Variants in NR1H3 observed in about 807,000 individuals in gnomAD.
The protein encoded by NR1H3 is oxysterols receptor LXR-alpha.
Under a neutral mutation model 48.1 loss-of-function variants are expected in NR1H3, and 19 were observed. The ratio of observed to expected loss-of-function variants is 0.40; its 90% confidence interval spans 0.28 to 0.58. NR1H3 has a LOEUF of 0.58. NR1H3 is among the 20% of genes least tolerant of loss of function. NR1H3 has a pLI of 0.50. For missense variants in NR1H3, 486 were observed against 595.9 expected (o/e 0.82, Z 1.92); for synonymous variants, 232 against 227.3 (o/e 1.02, Z -0.19).
At chr11:47,259,346 TCTTC>T in intron 2 of NR1H3, 87 bp downstream of exon 2, 1 of 1,606,094 alleles carries the variant, frequency 6.2e-7, no homozygotes, top group Non-Finnish European at 8.5e-7. Flanking sequence ...TTACCTGCCT[TCTTC>T]CTTCCTCCAG....
intron 8 of NR1H3, 33 bp from the exon 9 acceptor site, chr11:47,268,228 G>A (rs753399391): frequency 6.2e-7 from 1 of 1,602,956 alleles, no homozygotes; most frequent in Admixed American, 1.7e-5. Context: ...ACCCTGGCCA[G>A]ACCTGCTCCT....
At chr11:47,248,390 G>A (rs1477884328), upstream of NR1H3, 8 of 1,490,082 alleles carry the variant, frequency 5.4e-6, no homozygotes, top group Non-Finnish European at 7.2e-6. Context: ...AGCAACGTAT[G>A]TGGTGGGGAC....
Position 47,268,751 on chromosome 11 carries a change from C to T in NR1H3, c.*55C>T. On this transcript the variant is annotated 3_prime_UTR_variant, in exon 10 of 10. Transcript: ENST00000441012. ...TGGCCGGATGGCTGAGGCCTGGTGG[C>T]TGCCTCCTAGAAGTGGAACAGACTG... The T allele has an allele frequency of 1.3e-6, 2 of 1,589,928 alleles. No homozygotes were observed. Among genetic ancestry groups the T allele is most frequent in the African/African-American group, 1.3e-5 (1 of 74,656 alleles).
intron 7 of NR1H3, among the ~76,000 whole-genome samples, chr11:47,262,897 G>A (rs944319383): frequency 8.5e-5 from 13 of 152,144 alleles, no homozygotes; most frequent in Admixed American, 2.6e-4. Context: ...AGGCTCCCTT[G>A]TTTTTTGAAG....
intron 1 of NR1H3, among the ~76,000 whole-genome samples, chr11:47,251,393 C>T (rs1954641679): frequency 6.6e-6 from 1 of 151,984 alleles, no homozygotes; most frequent in Non-Finnish European, 1.5e-5. Context: ...GGGTGGATCA[C>T]CTGAGGTCAG....
At chr11:47,265,563 C>A (rs1329929964) in intron 7 of NR1H3, among the ~76,000 whole-genome samples, 1 of 152,178 alleles carries the variant, frequency 6.6e-6, no homozygotes, top group Non-Finnish European at 1.5e-5. Context: ...AGCAGGAAGA[C>A]TGTTTCCAAG....
intron 8 of NR1H3, 85 bp from the exon 9 acceptor site, chr11:47,268,176 C>A: frequency 7.6e-7 from 1 of 1,319,436 alleles, no homozygotes; most frequent in Non-Finnish European, 1.1e-6. Flanking sequence ...TTGGCTGGAG[C>A]ATGTCTCTAT....
intron 6 of NR1H3, 74 bp downstream of exon 6, chr11:47,261,800 AGCTGGGAGAGCCAAATCT>A (rs1174289988): frequency 1.2e-6 from 2 of 1,607,572 alleles, no homozygotes; most frequent in Admixed American, 1.7e-5. Flanking sequence ...CCAGACATCG[AGCTGGGAGAGCCAAATCT>A]GCTGGGAAGC....
At chr11:47,256,251 G>T (rs563826149), upstream of NR1H3, among the ~76,000 whole-genome samples, 1 of 151,908 alleles carries the variant, frequency 6.6e-6, no homozygotes, top group East Asian at 1.9e-4. Flanking sequence ...ATGTTGGCCA[G>T]GCTGGTCTCG....
At chr11:47,262,897 G>C (rs944319383) in intron 7 of NR1H3, among the ~76,000 whole-genome samples, 1 of 152,144 alleles carries the variant, frequency 6.6e-6, no homozygotes, top group Non-Finnish European at 1.5e-5. Context: ...AGGCTCCCTT[G>C]TTTTTTGAAG....
intron 1 of NR1H3, among the ~76,000 whole-genome samples, chr11:47,249,786 T>G (rs1273757954): frequency 6.6e-6 from 1 of 152,070 alleles, no homozygotes; most frequent in Non-Finnish European, 1.5e-5. Context: ...CCTCAGATCT[T>G]TGGGAAACAA....
chr11:47,249,224 C>T (rs3758668), intron 1 of NR1H3, among the ~76,000 whole-genome samples: 16,650 of 152,086 alleles, frequency 0.11, 1,061 homozygotes, highest in South Asian at 0.23. Context: ...CTTCTCTCCA[C>T]GCCCCTGCCT....
chr11:47,266,480 T>A (rs991543922), intron 7 of NR1H3, among the ~76,000 whole-genome samples: 1 of 151,192 alleles, frequency 6.6e-6, no homozygotes, highest in African/African-American at 2.4e-5. Flanking sequence ...GGACTACAGG[T>A]GCGCCACCAT....
At chr11:47,248,517 GCCAGGGCT>G, upstream of NR1H3, 1 of 1,551,226 alleles carries the variant, frequency 6.4e-7, no homozygotes, top group Non-Finnish European at 8.7e-7. Flanking sequence ...ACTCCCATAA[GCCAGGGCT>G]CCAGGTCAAT....
rs1480682359 is a variant in NR1H3 at position 47,259,022 on chromosome 11, ATAG to A, written c.-37-155_-37-153del. 1.9e-5 allele frequency: 25 copies of A among 1,311,254 alleles called. No homozygotes were observed. The African/African-American group carries it at 3.4e-4, about 18-fold the overall frequency. 81.2% of individuals were successfully genotyped at this position (1,311,254 alleles called of 1,614,324 possible). A position where few individuals can be genotyped will look rare whatever the true frequency, so the allele number is the denominator to read the frequency against. ...GGAGAACCTGTCTCTAAAAAACATA[ATAG>A]TAATATAATAAAGCCTTAGTACAGG... On this transcript the variant is annotated intron_variant, in intron 1 of 9. Coordinates refer to ENST00000441012, the MANE Select transcript of NR1H3 (RefSeq NM_005693.4).
upstream of NR1H3, among the ~76,000 whole-genome samples, chr11:47,254,616 A>T (rs1335552426): frequency 6.6e-6 from 1 of 152,104 alleles, no homozygotes; most frequent in Admixed American, 6.6e-5. Flanking sequence ...GGGGAACAAA[A>T]GCAAAAGCTG....
At chr11:47,268,104 G>A (rs1957066520) in intron 8 of NR1H3, 78 bp downstream of exon 8, 2 of 1,270,402 alleles carry the variant, frequency 1.6e-6, no homozygotes, top group Non-Finnish European at 2.3e-6. Flanking sequence ...ATCGGTGGGG[G>A]GAGGGGGGTG....
Position 47,268,650 on chromosome 11 carries a change from A to G in NR1H3, c.1298A>G (p.Lys433Arg), listed in dbSNP as rs779306214. ...EQVFALRLQD[K>R]KLPPLLSEIW... is the part of the protein sequence containing the mutation. ...GTGTTTGCACTGCGTCTGCAGGACAAAAAGCTCCCACCGCTGCTCTCTGAG... is the reference window on the plus strand; with the variant it reads ...GTGTTTGCACTGCGTCTGCAGGACAGAAAGCTCCCACCGCTGCTCTCTGAG... The change falls in exon 10 of 10, where the codon AAA becomes AGA. Residue 433 changes from lysine to arginine, a missense_variant. Lys to Arg is a conservative substitution (Grantham distance 26, BLOSUM62 2). Coordinates refer to ENST00000441012, the MANE Select transcript of NR1H3 (RefSeq NM_005693.4). 3.1e-6 allele frequency: 5 copies of G among 1,614,046 alleles called. No individual in the cohort carries two copies. The highest frequency in any genetic ancestry group is 3.4e-6 in the Non-Finnish European group (4 of 1,180,032).
chr11:47,259,019 A>G (rs928476627), intron 1 of NR1H3, 161 bp from the exon 2 acceptor site: 22 of 1,302,878 alleles, frequency 1.7e-5, no homozygotes, highest in African/African-American at 4.5e-5. Context: ...TCTAAAAAAC[A>G]TAATAGTAAT....
Sources: gnomAD v4.1 joint callset for allele counts (sites outside exome capture counted in the v4.1 genomes callset) on GRCh38, gnomAD v4.1.1 for gene constraint, MANE v1.5 for transcripts, NCBI Gene and HGNC (gene_info 2026-07-23, HGNC 2026-07-21) for gene names.